Variants in GRIN2A observed in about 807,000 individuals in gnomAD.
GRIN2A encodes the protein glutamate ionotropic receptor NMDA type subunit 2A, also known as glutamate receptor ionotropic, NMDA 2A.
In GRIN2A, 22 loss-of-function variants were observed where a neutral mutation model predicts 113.4. The ratio of observed to expected loss-of-function variants is 0.19; its 90% confidence interval spans 0.14 to 0.28. The LOEUF (loss-of-function observed/expected upper bound fraction) is 0.28. Ranked by LOEUF, GRIN2A falls within the 10% of genes least tolerant of loss-of-function variation. The pLI is 1.00. For synonymous variants in GRIN2A, 827 were observed against 738.4 expected, an observed-to-expected ratio of 1.12 and a Z score of -1.94; for missense variants, 1,502 against 1,887.0, an observed-to-expected ratio of 0.80 and a Z score of 3.78.
chr16:10,128,944 A>G (rs186667389), intron 2 of GRIN2A, among the ~76,000 whole-genome samples: 13 of 152,344 alleles, frequency 8.5e-5, no homozygotes, highest in East Asian at 1.9e-4. Context: ...CAATGCACAT[A>G]TGTGCACGAG....
Position 9,757,631 on chromosome 16 carries a change from T to C in GRIN2A, c.*5518A>G, listed in dbSNP as rs746452794. 9.0e-6 allele frequency: 2 copies of C among 222,312 alleles called. No individual in the cohort carries two copies. The highest frequency in any genetic ancestry group is 1.8e-5 in the Non-Finnish European group (2 of 111,200). The allele number at this position is 222,312 out of a possible 1,614,324, so 13.8% of individuals were successfully genotyped here. A position where few individuals can be genotyped will look rare whatever the true frequency, so the allele number is the denominator to read the frequency against. On this transcript the variant is annotated 3_prime_UTR_variant, in exon 13 of 13. Transcript: ENST00000330684. ...GGACATTCAGTGAAGTCCTATTAGC[T>C]GGTCAATGTGCTTGGTTCTTCCTCA... is the stretch of plus-strand genomic sequence containing the variant.
chr16:10,013,812 T>C (rs10500371), intron 2 of GRIN2A, among the ~76,000 whole-genome samples: 24,484 of 152,240 alleles, frequency 0.16, 2,587 homozygotes, highest in East Asian at 0.36. Context: ...GAAAAATTGC[T>C]TAAAGTGGTT....
At chr16:9,885,030 C>G (rs545332127) in intron 4 of GRIN2A, among the ~76,000 whole-genome samples, 2 of 152,210 alleles carry the variant, frequency 1.3e-5, no homozygotes, top group East Asian at 3.9e-4. Context: ...AGCCACCGTG[C>G]CCGGCTAGAG....
At chr16:10,003,407 G>A (rs563309933) in intron 2 of GRIN2A, among the ~76,000 whole-genome samples, 18 of 152,184 alleles carry the variant, frequency 1.2e-4, no homozygotes, top group Admixed American at 2.0e-4. Flanking sequence ...GATAATTAAA[G>A]AACAAAGTTA....
At chr16:9,948,712 G>C (rs942095112) in intron 2 of GRIN2A, among the ~76,000 whole-genome samples, 2 of 152,204 alleles carry the variant, frequency 1.3e-5, no homozygotes, top group Non-Finnish European at 2.9e-5. Flanking sequence ...AAGGAAGAGG[G>C]GCCACCCTGG....
intron 2 of GRIN2A, among the ~76,000 whole-genome samples, chr16:10,148,826 G>A (rs1279474266): frequency 6.6e-6 from 1 of 152,178 alleles, no homozygotes. Context: ...CAACCTAAGT[G>A]TCTACCAACA....
intron 2 of GRIN2A, among the ~76,000 whole-genome samples, chr16:10,019,721 C>G (rs2046680868): frequency 6.6e-6 from 1 of 152,210 alleles, no homozygotes; most frequent in African/African-American, 2.4e-5. Flanking sequence ...GGGTTCAGGA[C>G]TACCGGAGTC....
intron 2 of GRIN2A, among the ~76,000 whole-genome samples, chr16:10,173,091 C>A (rs574866412): frequency 2.0e-5 from 3 of 152,186 alleles, no homozygotes; most frequent in Non-Finnish European, 1.5e-5. Context: ...GTGAGTCACG[C>A]TACCGGGAGG....
intron 2 of GRIN2A, among the ~76,000 whole-genome samples, chr16:10,169,836 A>G (rs972313248): frequency 2.6e-5 from 4 of 152,164 alleles, no homozygotes; most frequent in Admixed American, 2.6e-4. Flanking sequence ...TAAACATTAT[A>G]TTTCTATAAA....
At chr16:10,021,894 C>T (rs373177940) in intron 2 of GRIN2A, among the ~76,000 whole-genome samples, 2 of 152,082 alleles carry the variant, frequency 1.3e-5, no homozygotes, top group Admixed American at 1.3e-4. Context: ...ACTCTCTGCC[C>T]CCAGTGATGG....
At chr16:9,909,963 C>T (rs2044102106) in intron 3 of GRIN2A, among the ~76,000 whole-genome samples, 1 of 152,210 alleles carries the variant, frequency 6.6e-6, no homozygotes, top group African/African-American at 2.4e-5. Flanking sequence ...GAATCATACA[C>T]TATGTGGCCT....
Position 9,757,250 on chromosome 16 carries a change from C to A in GRIN2A, c.*5899G>T. ...AGTGTGAGTGTGTTCACCTGGTTAGCAGCTCCTGGGTCTCCTAAGTCCATT... is the reference window on the plus strand; with the variant it reads ...AGTGTGAGTGTGTTCACCTGGTTAGAAGCTCCTGGGTCTCCTAAGTCCATT... On this transcript the variant is annotated 3_prime_UTR_variant, in exon 13 of 13. Transcript: ENST00000330684. 4.5e-6 allele frequency: 1 copy of A among 219,900 alleles called. No individual in the cohort carries two copies. The highest frequency in any genetic ancestry group is 9.1e-6 in the Non-Finnish European group (1 of 109,694). The allele number at this position is 219,900 out of a possible 1,614,324, so 13.6% of individuals were successfully genotyped here. A position where few individuals can be genotyped will look rare whatever the true frequency, so the allele number is the denominator to read the frequency against.
chr16:10,016,116 C>CAAA (rs140929988), intron 2 of GRIN2A, among the ~76,000 whole-genome samples: 4 of 66,298 alleles, frequency 6.0e-5, no homozygotes, highest in South Asian at 5.4e-4. Context: ...AACTCCATCT[C>CAAA]AAAAAAAAAA....
chr16:9,825,582 T>C (rs774105331), intron 9 of GRIN2A, among the ~76,000 whole-genome samples: 8 of 152,196 alleles, frequency 5.3e-5, no homozygotes, highest in Non-Finnish European at 1.0e-4. Flanking sequence ...AACCAAAAAC[T>C]ACCCATTTAT....
rs1255686100 is a variant in GRIN2A, at chr16:9,822,247, G to A, written c.2168+17C>T. On this transcript the variant is annotated intron_variant, in intron 10 of 12. Coordinates refer to ENST00000330684, the MANE Select transcript of GRIN2A (RefSeq NM_001134407.3). ...TCGCTCGCAGACCTGTGGTGAAAAGGAAACTGCCATCCTTACCCCGTTTTC... is the reference window on the plus strand; with the variant it reads ...TCGCTCGCAGACCTGTGGTGAAAAGAAAACTGCCATCCTTACCCCGTTTTC... The A allele has an allele frequency of 6.2e-7, 1 of 1,613,268 alleles. No homozygotes were observed. The highest frequency in any genetic ancestry group is 1.1e-5 in the South Asian group (1 of 91,064).
At chr16:10,142,395 CAAGTTAAACCAACGA>C (rs958256541) in intron 2 of GRIN2A, among the ~76,000 whole-genome samples, 4 of 152,190 alleles carry the variant, frequency 2.6e-5, no homozygotes, top group Non-Finnish European at 5.9e-5. Flanking sequence ...CATCCAGGCT[CAAGTTAAACCAACGA>C]AAGTGACCAG....
intron 2 of GRIN2A, among the ~76,000 whole-genome samples, chr16:10,102,562 G>C (rs888047790): frequency 6.7e-6 from 1 of 148,844 alleles, no homozygotes; most frequent in Non-Finnish European, 1.5e-5. Context: ...TTTTTTATTG[G>C]GGGGGACAGA....
At chr16:10,133,906 G>C (rs2049129167) in intron 2 of GRIN2A, among the ~76,000 whole-genome samples, 1 of 152,148 alleles carries the variant, frequency 6.6e-6, no homozygotes, top group East Asian at 1.9e-4. Context: ...AGGCAGTCCG[G>C]ATGCAGTGGC....
chr16:9,990,261 C>T (rs2046075178), intron 2 of GRIN2A, among the ~76,000 whole-genome samples: 1 of 152,072 alleles, frequency 6.6e-6, no homozygotes, highest in Non-Finnish European at 1.5e-5. Flanking sequence ...GGCCATTATC[C>T]TAAGTGGGTT....
Sources: gnomAD v4.1 joint callset for allele counts (sites outside exome capture counted in the v4.1 genomes callset) on GRCh38, gnomAD v4.1.1 for gene constraint, MANE v1.5 for transcripts, NCBI Gene and HGNC (gene_info 2026-07-23, HGNC 2026-07-21) for gene names.